The following ZC2HC1B variants were observed in gnomAD, a reference collection of about 807,000 sequenced individuals.
ZC2HC1B encodes zinc finger C2HC domain-containing protein 1B.
ZC2HC1B carries 36 observed loss-of-function variants against 31.0 expected under a neutral mutation model. The observed-to-expected ratio is 1.16, with a 90% CI of 0.89 to 1.54. ZC2HC1B has a LOEUF of 1.54. Among genes scored for constraint, ZC2HC1B ranks in the 40% most tolerant of loss-of-function variants. The pLI is 0.00. For synonymous variants in ZC2HC1B, 73 were observed against 88.0 expected, an observed-to-expected ratio of 0.83 and a Z score of 0.95; for missense variants, 260 against 268.6, an observed-to-expected ratio of 0.97 and a Z score of 0.22.
intron 6 of ZC2HC1B, among the ~76,000 whole-genome samples, chr6:143,904,187 T>C (rs1038094551): frequency 2.0e-5 from 3 of 152,252 alleles, no homozygotes; most frequent in Non-Finnish European, 4.4e-5. Flanking sequence ...GAATTGTTTT[T>C]GTTGTTTTGG....
Position 143,868,811 on chromosome 6 carries a change from A to G in ZC2HC1B, c.28+4244A>G, listed in dbSNP as rs922122094. Among the ~76,000 whole-genome samples the G allele has an allele frequency of 3.9e-5, 6 of 152,218 alleles. No individual in the cohort carries two copies. Among genetic ancestry groups the G allele is most frequent in the African/African-American group, 1.4e-4 (6 of 41,448 alleles). Reference sequence around the variant, plus strand: ...ACAACCAGAAATGCACCAATCCCCAACCCAAATACTATTACATAAAGTTAA... The same window carrying G: ...ACAACCAGAAATGCACCAATCCCCAGCCCAAATACTATTACATAAAGTTAA... On this transcript the variant is annotated intron_variant, in intron 1 of 7. Transcript: ENST00000237275. The surrounding 1 kb of genome is among the most constrained non-coding windows in gnomAD (Gnocchi z 4.2).
At chr6:143,906,362 A>G (rs551424085) in intron 6 of ZC2HC1B, among the ~76,000 whole-genome samples, 72 of 152,036 alleles carry the variant, frequency 4.7e-4, no homozygotes, top group African/African-American at 1.7e-3. Flanking sequence ...TTTTATTTCT[A>G]TAGCATTGGT....
chr6:143,901,448 C>T (rs1406553711), intron 5 of ZC2HC1B, among the ~76,000 whole-genome samples: 2 of 147,234 alleles, frequency 1.4e-5, no homozygotes, highest in South Asian at 2.2e-4. Flanking sequence ...TTAGTAGAGA[C>T]GAGGTTTCAC....
intron 4 of ZC2HC1B, among the ~76,000 whole-genome samples, chr6:143,897,066 C>T (rs1777674071): frequency 6.6e-6 from 1 of 152,044 alleles, no homozygotes; most frequent in African/African-American, 2.4e-5. Flanking sequence ...AAGTGCTTAA[C>T]AATTGTTACA....
intron 1 of ZC2HC1B, among the ~76,000 whole-genome samples, chr6:143,873,945 T>C (rs183969826): frequency 6.6e-6 from 1 of 152,392 alleles, no homozygotes; most frequent in Non-Finnish European, 1.5e-5. Context: ...TGCAGCTGGC[T>C]TTAATTTCTT....
intron 6 of ZC2HC1B, among the ~76,000 whole-genome samples, chr6:143,909,402 A>T (rs182204887): frequency 7.9e-5 from 12 of 152,202 alleles, no homozygotes; most frequent in Admixed American, 7.9e-4. Flanking sequence ...ATCTCAAAAA[A>T]GAAAAAAAAA....
chr6:143,886,272 A>C lies in ZC2HC1B; in HGVS notation c.210+121A>C, dbSNP rs1777529737. On this transcript the variant is annotated intron_variant, in intron 3 of 7. Transcript: ENST00000237275. The surrounding 1 kb of genome is among the most constrained non-coding windows in gnomAD (Gnocchi z 4.2). ...CAGTAATGTAATGTAACTGTAATCC[A>C]CCTTTACTTTTTTCTTTATAATCTT... is the stretch of plus-strand genomic sequence containing the variant. 1 of 1,116,166 alleles carries C rather than the reference A, an allele frequency of 9.0e-7. No homozygotes were observed. Among genetic ancestry groups the C allele is most frequent in the African/African-American group, 1.6e-5 (1 of 61,516 alleles). The allele number at this position is 1,116,166 out of a possible 1,614,324, so 69.1% of individuals were successfully genotyped here.
chr6:143,891,807 A>G (rs1216793128), intron 4 of ZC2HC1B, among the ~76,000 whole-genome samples: 2 of 152,186 alleles, frequency 1.3e-5, no homozygotes, highest in African/African-American at 4.8e-5. Flanking sequence ...AAAAAGCACA[A>G]AATTGGAGTA....
At position 143,871,314 on chromosome 6, in the gene ZC2HC1B, AATAAG is replaced by A. The variant is rs1344046559; in HGVS notation, c.28+6750_28+6754del. Among the ~76,000 whole-genome samples, 3 of 152,198 alleles carry A rather than the reference AATAAG, an allele frequency of 2.0e-5. No individual in the cohort carries two copies. The highest frequency in any genetic ancestry group is 7.2e-5 in the African/African-American group (3 of 41,452). ...GCAAAAAGTGATCAAGGTCTCTCTGAATAAGATTATGACACAAAGCCAAACAGTTA... is the reference window on the plus strand; with the variant it reads ...GCAAAAAGTGATCAAGGTCTCTCTGAATTATGACACAAAGCCAAACAGTTA... On this transcript the variant is annotated intron_variant, in intron 1 of 7. Transcript: ENST00000237275. This position sits in a 1 kb window ranked among gnomAD's most constrained non-coding sequence, Gnocchi z 4.1.
At chr6:143,875,664 A>C (rs1219964278) in intron 1 of ZC2HC1B, among the ~76,000 whole-genome samples, 2 of 150,494 alleles carry the variant, frequency 1.3e-5, no homozygotes, top group Non-Finnish European at 3.0e-5. Context: ...GCACCTCCTC[A>C]TGGGTCACAT....
chr6:143,909,231 T>C (rs1777831587), intron 6 of ZC2HC1B, among the ~76,000 whole-genome samples: 1 of 152,062 alleles, frequency 6.6e-6, no homozygotes, highest in African/African-American at 2.4e-5. Context: ...GAAGTTTTTG[T>C]TGTTGGTTGT....
In ZC2HC1B at chr6:143,870,669, A is replaced by G. The variant is rs1344334230; in HGVS notation, c.28+6102A>G. On this transcript the variant is annotated intron_variant, in intron 1 of 7. Coordinates refer to ENST00000237275, the MANE Select transcript of ZC2HC1B (RefSeq NM_001013623.3). This position sits in a 1 kb window ranked among gnomAD's most constrained non-coding sequence, Gnocchi z 4.7. ...CAGTCAAACGTTCAGTTTCCACCAAAGCCCAGTAACAGGCCAAGAGCTGTC... is the reference window on the plus strand; with the variant it reads ...CAGTCAAACGTTCAGTTTCCACCAAGGCCCAGTAACAGGCCAAGAGCTGTC... Among the ~76,000 whole-genome samples the G allele has an allele frequency of 6.6e-6, 1 of 152,218 alleles. No individual in the cohort carries two copies. Among genetic ancestry groups the G allele is most frequent in the Non-Finnish European group, 1.5e-5 (1 of 68,044 alleles).
In ZC2HC1B at chr6:143,915,342, C is replaced by T. The variant is rs1228678915; in HGVS notation, c.598+12190C>T. On this transcript the variant is annotated intron_variant, in intron 6 of 7. Transcript: ENST00000237275. The surrounding 1 kb of genome is among the most constrained non-coding windows in gnomAD (Gnocchi z 5.2). ...GTGTGGCCTTCCCAGCCATGTGGAACTGTAAGTCCAATAAACTTCTTTCTT... is the reference window on the plus strand; with the variant it reads ...GTGTGGCCTTCCCAGCCATGTGGAATTGTAAGTCCAATAAACTTCTTTCTT... Among the ~76,000 whole-genome samples, 3 of 152,224 alleles carry T rather than the reference C, an allele frequency of 2.0e-5. No individual in the cohort carries two copies. The highest frequency in any genetic ancestry group is 2.4e-5 in the African/African-American group (1 of 41,458).
In ZC2HC1B at chr6:143,871,136, G is replaced by A. The variant is rs1445016475; in HGVS notation, c.28+6569G>A. The stretch of plus-strand genomic sequence containing the variant: ...CCACTGGACCCCTAGAAATTTTATT[G>A]TGGAAGAAGTTCCCTAAATTTTCAT... On this transcript the variant is annotated intron_variant, in intron 1 of 7. Coordinates refer to ENST00000237275, the MANE Select transcript of ZC2HC1B (RefSeq NM_001013623.3). This position sits in a 1 kb window ranked among gnomAD's most constrained non-coding sequence, Gnocchi z 4.1. Among the ~76,000 whole-genome samples the A allele has an allele frequency of 6.6e-6, 1 of 152,120 alleles. No homozygotes were observed. The highest frequency in any genetic ancestry group is 1.5e-5 in the Non-Finnish European group (1 of 68,026).
chr6:143,894,362 T>C (rs536944537), intron 4 of ZC2HC1B, among the ~76,000 whole-genome samples: 29 of 152,308 alleles, frequency 1.9e-4, no homozygotes, highest in African/African-American at 5.8e-4. Context: ...AGGGAACTTT[T>C]TGGGGTGACG....
In ZC2HC1B at chr6:143,870,164, T is replaced by G. The variant is rs527466971; in HGVS notation, c.28+5597T>G. ...ATGAATCAGTATATAATTGCACATC[T>G]GACCATTTCTCCTTTCATGCAAAGT... is the stretch of plus-strand genomic sequence containing the variant. On this transcript the variant is annotated intron_variant, in intron 1 of 7. Coordinates refer to ENST00000237275, the MANE Select transcript of ZC2HC1B (RefSeq NM_001013623.3). This position sits in a 1 kb window ranked among gnomAD's most constrained non-coding sequence, Gnocchi z 4.7. Among the ~76,000 whole-genome samples the G allele has an allele frequency of 9.2e-5, 14 of 152,338 alleles. No individual in the cohort carries two copies. The highest frequency in any genetic ancestry group is 4.6e-4 in the Admixed American group (7 of 15,306).
chr6:143,894,022 T>C (rs1582960492), intron 4 of ZC2HC1B, among the ~76,000 whole-genome samples: 2 of 152,334 alleles, frequency 1.3e-5, no homozygotes, highest in East Asian at 3.9e-4. Flanking sequence ...AACATACACT[T>C]AGCCTATAAA....
intron 1 of ZC2HC1B, among the ~76,000 whole-genome samples, chr6:143,873,626 T>A (rs1777370907): frequency 6.6e-6 from 1 of 152,242 alleles, no homozygotes; most frequent in Non-Finnish European, 1.5e-5. Flanking sequence ...ATTCTTCACT[T>A]CTGTGCACCC....
At chr6:143,912,353 T>C (rs1777870569) in intron 6 of ZC2HC1B, among the ~76,000 whole-genome samples, 1 of 152,236 alleles carries the variant, frequency 6.6e-6, no homozygotes, top group African/African-American at 2.4e-5. Context: ...CTCTGGCTTT[T>C]TGAGTTTTCA....
Sources: gnomAD v4.1 joint callset for allele counts (sites outside exome capture counted in the v4.1 genomes callset) on GRCh38, gnomAD v4.1.1 for gene constraint, Gnocchi (gnomAD v3.1) non-coding constraint, MANE v1.5 for transcripts, NCBI Gene and HGNC (gene_info 2026-07-23, HGNC 2026-07-21) for gene names.